FHIT: variants seen among roughly 807,000 people sequenced by gnomAD.
FHIT encodes the protein fragile histidine triad diadenosine triphosphatase, also known as bis(5'-adenosyl)-triphosphatase.
In FHIT, 19 loss-of-function variants were observed where a neutral mutation model predicts 17.9. The observed-to-expected ratio is 1.06, with a 90% CI of 0.74 to 1.56. FHIT has a LOEUF of 1.56. FHIT is among the 40% of genes most tolerant of loss of function. FHIT has a pLI of 0.00. For missense variants in FHIT, 248 were observed against 189.2 expected (o/e 1.31, Z -1.82); for synonymous variants, 81 against 69.7 (o/e 1.16, Z -0.81).
chr3:60,179,189 G>T (rs139739916), intron 5 of FHIT, among the ~76,000 whole-genome samples: 36 of 152,230 alleles, frequency 2.4e-4, no homozygotes, highest in African/African-American at 7.9e-4. Flanking sequence ...GTAAATCACC[G>T]CAACAATTCT....
chr3:60,536,185 T>G (rs1027875086), intron 5 of FHIT: 1 of 152,052 alleles, frequency 6.6e-6, no homozygotes, highest in African/African-American at 2.4e-5. Context: ...TTATTCCCAC[T>G]GCAAAAGAAT....
At chr3:60,267,715 C>T (rs1706655808) in intron 5 of FHIT, among the ~76,000 whole-genome samples, 1 of 152,022 alleles carries the variant, frequency 6.6e-6, no homozygotes, top group Admixed American at 6.6e-5. Context: ...TACTAATGAT[C>T]AATTCAAGTA....
intron 3 of FHIT, among the ~76,000 whole-genome samples, chr3:61,023,374 C>A (rs895338245): frequency 5.9e-5 from 9 of 152,162 alleles, no homozygotes; most frequent in African/African-American, 2.2e-4. Flanking sequence ...GCATTCCATG[C>A]TCATGGATAG....
chr3:59,862,014 GA>G (rs11296303), intron 8 of FHIT, among the ~76,000 whole-genome samples: 33,342 of 147,316 alleles, frequency 0.23, 3,825 homozygotes, highest in African/African-American at 0.28. Context: ...ATGCCTTTGG[GA>G]AAAAAAAAAA....
intron 2 of FHIT, among the ~76,000 whole-genome samples, chr3:61,132,576 C>T (rs2036796539): frequency 6.6e-6 from 1 of 152,076 alleles, no homozygotes; most frequent in Non-Finnish European, 1.5e-5. Flanking sequence ...GAAAATGTGA[C>T]ATTTACATAG....
intron 5 of FHIT, among the ~76,000 whole-genome samples, chr3:60,326,779 A>G (rs1377281431): frequency 1.3e-5 from 2 of 152,224 alleles, no homozygotes; most frequent in Non-Finnish European, 2.9e-5. Context: ...AAGCTGGAGT[A>G]AAACCTTTCC....
chr3:60,441,073 C>T (rs1466526437), intron 5 of FHIT, among the ~76,000 whole-genome samples: 2 of 152,056 alleles, frequency 1.3e-5, no homozygotes, highest in East Asian at 1.9e-4. Context: ...GAACTTGCTG[C>T]TGTACCTCTT....
intron 5 of FHIT, among the ~76,000 whole-genome samples, chr3:60,385,865 A>C (rs1700987975): frequency 6.6e-6 from 1 of 152,168 alleles, no homozygotes; most frequent in Non-Finnish European, 1.5e-5. Flanking sequence ...TATGTGAGCC[A>C]CTGTGCCTGG....
chr3:60,470,178 G>A (rs1360663725), intron 5 of FHIT, among the ~76,000 whole-genome samples: 2 of 151,860 alleles, frequency 1.3e-5, no homozygotes, highest in Non-Finnish European at 2.9e-5. Flanking sequence ...GCCTAACACT[G>A]GGTCTCACCC....
chr3:61,161,563 AC>A (rs2037696453), intron 2 of FHIT, among the ~76,000 whole-genome samples: 1 of 152,194 alleles, frequency 6.6e-6, no homozygotes, highest in Non-Finnish European at 1.5e-5. Flanking sequence ...GAAGAAAAAA[AC>A]ATCAGCACTG....
chr3:60,686,319 A>G (rs2040860952), intron 4 of FHIT, among the ~76,000 whole-genome samples: 1 of 152,126 alleles, frequency 6.6e-6, no homozygotes, highest in Admixed American at 6.6e-5. Context: ...ATCTCTCACC[A>G]ATTTTGGGAA....
intron 4 of FHIT, among the ~76,000 whole-genome samples, chr3:60,734,653 T>C (rs1216823847): frequency 1.3e-5 from 2 of 151,848 alleles, no homozygotes; most frequent in Admixed American, 1.3e-4. Context: ...GGGTGAGCCA[T>C]CCCACCTGGC....
intron 3 of FHIT, among the ~76,000 whole-genome samples, chr3:60,826,285 A>C (rs782734810): frequency 2.0e-5 from 3 of 150,640 alleles, no homozygotes; most frequent in Non-Finnish European, 4.4e-5. Context: ...GGGATAGATG[A>C]GGTTAGTTTT....
Position 60,665,160 on chromosome 3 carries a change from G to A in FHIT, c.-17-128181C>T, listed in dbSNP as rs140744542. Among the ~76,000 whole-genome samples, 57 of 152,004 alleles carry A rather than the reference G, an allele frequency of 3.7e-4. No homozygotes were observed. In the East Asian group the frequency reaches 0.01, roughly 27 times the overall value. The stretch of plus-strand genomic sequence containing the variant: ...TTTTTTGTTATGGATAACACATTCT[G>A]TAAAAATTTGCTAAGCATTTTTTAT... On this transcript the variant is annotated intron_variant, in intron 4 of 9. Coordinates refer to ENST00000492590, the MANE Select transcript of FHIT (RefSeq NM_002012.4).
chr3:60,067,819 C>G (rs886218019), intron 5 of FHIT, among the ~76,000 whole-genome samples: 1 of 152,162 alleles, frequency 6.6e-6, no homozygotes, highest in South Asian at 2.1e-4. Context: ...ACGTTCTTGT[C>G]GCTGCCTAAC....
In FHIT at chr3:60,550,854, T is replaced by G. The variant is rs560323989; in HGVS notation, c.-17-13875A>C. Reference sequence around the variant, plus strand: ...CTCATGTAGTATTCTAGGCACAGGGTGCATATTGCAAGCAGTAGAGACTAC... The same window carrying G: ...CTCATGTAGTATTCTAGGCACAGGGGGCATATTGCAAGCAGTAGAGACTAC... On this transcript the variant is annotated intron_variant, in intron 4 of 9. Coordinates refer to ENST00000492590, the MANE Select transcript of FHIT (RefSeq NM_002012.4). 1.5e-4 allele frequency among the ~76,000 whole-genome samples: 23 copies of G among 152,028 alleles called. 1 individual carries two copies. The highest frequency in any genetic ancestry group is 1.4e-3 in the Admixed American group (22 of 15,258).
intron 1 of FHIT, among the ~76,000 whole-genome samples, chr3:61,211,481 TAGGTAAACAA>T (rs1290502652): frequency 6.6e-6 from 1 of 152,136 alleles, no homozygotes; most frequent in Non-Finnish European, 1.5e-5. Context: ...CAGGCTTGCT[TAGGTAAACAA>T]AGCTGCCAGG....
intron 3 of FHIT, among the ~76,000 whole-genome samples, chr3:60,901,471 C>T (rs1706108911): frequency 6.6e-6 from 1 of 151,972 alleles, no homozygotes; most frequent in Admixed American, 6.5e-5. Flanking sequence ...TATGGGCTCA[C>T]TTGCACTTAA....
At chr3:60,000,204 C>T (rs1418508244) in intron 7 of FHIT, among the ~76,000 whole-genome samples, 3 of 152,038 alleles carry the variant, frequency 2.0e-5, no homozygotes, top group Non-Finnish European at 2.9e-5. Flanking sequence ...TTCCTAAAGT[C>T]AAGGGAATCC....
Sources: allele counts gnomAD v4.1 joint callset (sites outside exome capture counted in the v4.1 genomes callset), GRCh38; gene constraint gnomAD v4.1.1; transcripts MANE v1.5; gene names NCBI Gene and HGNC (gene_info 2026-07-23, HGNC 2026-07-21).